LPP: variants seen among roughly 807,000 people sequenced by gnomAD.
LPP encodes the protein lipoma-preferred partner.
A neutral mutation model predicts 60.4 loss-of-function variants in LPP; 38 were observed. That is an observed-to-expected ratio of 0.63 (90% CI 0.49 to 0.83). The LOEUF (loss-of-function observed/expected upper bound fraction) is 0.83, where lower values mean the gene tolerates loss of function less well. LPP is among the 40% of genes least tolerant of loss of function. The pLI, the probability that LPP is intolerant of heterozygous loss-of-function variation, is 0.00. For synonymous variants in LPP, 328 were observed against 290.8 expected (o/e 1.13, Z -1.30); for missense variants, 902 against 783.6 (o/e 1.15, Z -1.80).
intron 7 of LPP, among the ~76,000 whole-genome samples, chr3:188,703,441 A>G (rs974391688): frequency 1.3e-5 from 2 of 152,224 alleles, no homozygotes; most frequent in South Asian, 4.1e-4. Context: ...GAACACTGAA[A>G]GTTTTAAGCT....
intron 4 of LPP, among the ~76,000 whole-genome samples, chr3:188,476,658 T>A (rs1803313165): frequency 1.3e-5 from 2 of 152,202 alleles, no homozygotes; most frequent in African/African-American, 4.8e-5. Context: ...ATTAATTTGT[T>A]AGCAACTTGA....
chr3:188,248,521 A>G lies in LPP; in HGVS notation c.-67+22994A>G, dbSNP rs946761750. Among the ~76,000 whole-genome samples, 46 of 120,318 alleles carry G rather than the reference A, an allele frequency of 3.8e-4. 1 individual carries two copies. Among genetic ancestry groups the G allele is most frequent in the African/African-American group, 1.6e-3 (46 of 28,660 alleles). The allele number at this position is 120,318 out of a possible 152,430, so 78.9% of individuals were successfully genotyped here. A position where few individuals can be genotyped will look rare whatever the true frequency, so the allele number is the denominator to read the frequency against. ...ATACAGTCAGCAGAGCTTGTTTTGG[A>G]ATCAGAGGGCTGAGGGTTTTGCTGC... On this transcript the variant is annotated intron_variant, in intron 2 of 11. Coordinates refer to ENST00000617246, the MANE Select transcript of LPP (RefSeq NM_001375462.1).
intron 2 of LPP, among the ~76,000 whole-genome samples, chr3:188,303,317 A>G (rs1750528021): frequency 6.6e-6 from 1 of 152,252 alleles, no homozygotes; most frequent in Admixed American, 6.5e-5. Context: ...ACAGGTTGCC[A>G]GCACCTGTAC....
intron 5 of LPP, among the ~76,000 whole-genome samples, chr3:188,495,085 TTA>T (rs1560478021): frequency 4.7e-5 from 5 of 107,160 alleles, no homozygotes; most frequent in African/African-American, 1.7e-4. Context: ...TATATATATT[TTA>T]TTTATATTTT....
intron 8 of LPP, among the ~76,000 whole-genome samples, chr3:188,738,962 T>G (rs939849504): frequency 1.4e-4 from 22 of 152,250 alleles, no homozygotes; most frequent in African/African-American, 4.6e-4. Context: ...TTTGAAGTCT[T>G]TCTAATATCA....
chr3:188,369,051 A>G (rs1478161882), intron 3 of LPP, among the ~76,000 whole-genome samples: 1 of 152,138 alleles, frequency 6.6e-6, no homozygotes, highest in Non-Finnish European at 1.5e-5. Context: ...TTGCCTGGTT[A>G]TAAATCATCA....
intron 6 of LPP, among the ~76,000 whole-genome samples, chr3:188,575,572 C>A (rs1003741394): frequency 1.3e-5 from 2 of 152,104 alleles, no homozygotes; most frequent in Admixed American, 1.3e-4. Flanking sequence ...ACTAAATATG[C>A]TTTTGATGTA....
intron 2 of LPP, among the ~76,000 whole-genome samples, chr3:188,327,469 ATTC>A (rs1394017361): frequency 6.6e-6 from 1 of 152,160 alleles, no homozygotes; most frequent in East Asian, 1.9e-4. Flanking sequence ...TTCCCATTGT[ATTC>A]TTATTTTACG....
At chr3:188,241,386 T>A (rs1033051168) in intron 2 of LPP, among the ~76,000 whole-genome samples, 1 of 152,226 alleles carries the variant, frequency 6.6e-6, no homozygotes, top group Admixed American at 6.5e-5. Flanking sequence ...CATGCTGTGT[T>A]AGGGATTTAA....
At chr3:188,591,938 A>G (rs112612641) in intron 6 of LPP, among the ~76,000 whole-genome samples, 3 of 152,196 alleles carry the variant, frequency 2.0e-5, no homozygotes, top group African/African-American at 7.2e-5. Flanking sequence ...TGATTGAAAG[A>G]AGATTATCTG....
intron 2 of LPP, among the ~76,000 whole-genome samples, chr3:188,319,431 A>T (rs1756290986): frequency 6.6e-6 from 1 of 152,142 alleles, no homozygotes; most frequent in African/African-American, 2.4e-5. Context: ...TTATTTATTT[A>T]CTTTTAAAAT....
At chr3:188,466,000 T>C (rs935300932) in intron 4 of LPP, among the ~76,000 whole-genome samples, 1 of 152,138 alleles carries the variant, frequency 6.6e-6, no homozygotes, top group South Asian at 2.1e-4. Flanking sequence ...GCTATTTCCA[T>C]GAAGAAGGTT....
At chr3:188,505,405 C>T (rs2149934816) in intron 5 of LPP, among the ~76,000 whole-genome samples, 1 of 152,282 alleles carries the variant, frequency 6.6e-6, no homozygotes, top group East Asian at 1.9e-4. Flanking sequence ...CTCACTTTGA[C>T]CTTCCGTTTT....
At chr3:188,841,629 A>G (rs548891148) in intron 9 of LPP, among the ~76,000 whole-genome samples, 1 of 152,102 alleles carries the variant, frequency 6.6e-6, no homozygotes, top group South Asian at 2.1e-4. Flanking sequence ...TGACTTTGTG[A>G]TCCGCCCACC....
intron 9 of LPP, among the ~76,000 whole-genome samples, chr3:188,830,409 C>G (rs1453778569): frequency 6.6e-6 from 1 of 151,472 alleles, no homozygotes; most frequent in African/African-American, 2.4e-5. Flanking sequence ...TCAAGACCAT[C>G]CTGGCTAACA....
At chr3:188,721,445 T>C (rs1242278855) in intron 8 of LPP, among the ~76,000 whole-genome samples, 1 of 152,010 alleles carries the variant, frequency 6.6e-6, no homozygotes, top group Non-Finnish European at 1.5e-5. Flanking sequence ...TTCCAGCTAC[T>C]CATGAGGCTG....
At chr3:188,549,635 G>T (rs1827553180) in intron 6 of LPP, among the ~76,000 whole-genome samples, 1 of 152,138 alleles carries the variant, frequency 6.6e-6, no homozygotes, top group South Asian at 2.1e-4. Context: ...CAGAGTACAA[G>T]ATCTTGGTAA....
chr3:188,521,839 G>A (rs1818958001), intron 5 of LPP, among the ~76,000 whole-genome samples: 1 of 152,024 alleles, frequency 6.6e-6, no homozygotes, highest in African/African-American at 2.4e-5. Flanking sequence ...CAATATATTG[G>A]ACTATCTAAG....
intron 2 of LPP, among the ~76,000 whole-genome samples, chr3:188,248,759 T>C (rs950820949): frequency 1.3e-5 from 2 of 151,942 alleles, no homozygotes; most frequent in Non-Finnish European, 2.9e-5. Context: ...ATCTATATTT[T>C]GACAAAGAAG....
Sources: gnomAD v4.1 joint callset for allele counts (sites outside exome capture counted in the v4.1 genomes callset) on GRCh38, gnomAD v4.1.1 for gene constraint, MANE v1.5 for transcripts, NCBI Gene and HGNC (gene_info 2026-07-23, HGNC 2026-07-21) for gene names.